Variants in MYO7B observed in about 807,000 individuals in gnomAD.
The protein encoded by MYO7B is unconventional myosin-VIIb.
Under a neutral mutation model 259.7 loss-of-function variants are expected in MYO7B, and 212 were observed. The ratio of observed to expected loss-of-function variants is 0.82; its 90% confidence interval spans 0.73 to 0.91. The LOEUF is 0.91. Ranked by LOEUF, MYO7B falls within the 40% of genes least tolerant of loss-of-function variation. The pLI, the probability that MYO7B is intolerant of heterozygous loss-of-function variation, is 0.00. For synonymous variants in MYO7B, 1,197 were observed against 1,166.4 expected, an observed-to-expected ratio of 1.03 and a Z score of -0.54; for missense variants, 2,732 against 2,813.5, an observed-to-expected ratio of 0.97 and a Z score of 0.66.
rs1679387255 is a variant in MYO7B, at chr2:127,588,451, T to C, written c.1750T>C (p.Ser584Pro). ...STDILTLVYS[S>P]KNKFLREIFN... ...AGATATCCTCACCCTGGTTTACTCC[T>C]CCAAAAACAAGTTTCTGAGGGAGAT... Residue 584 changes from serine to proline, a missense_variant, in exon 15 of 48, where the codon TCC becomes CCC. By Grantham distance (74) the Ser-to-Pro change is moderately conservative. Around this residue, in one of 3 missense-constraint regions of MYO7B, gnomAD observed 1,906 missense variants for 2,026.4 expected, o/e 0.94. Transcript: ENST00000409816. The C allele has an allele frequency of 6.2e-7, 1 of 1,613,174 alleles. No individual in the cohort carries two copies. The highest frequency in any genetic ancestry group is 8.5e-7 in the Non-Finnish European group (1 of 1,179,844).
rs1679802149 is a variant in MYO7B, at chr2:127,597,134, G to A, written c.2339+578G>A. Among the ~76,000 whole-genome samples the A allele has an allele frequency of 6.6e-6, 1 of 152,258 alleles. No homozygotes were observed. Among genetic ancestry groups the A allele is most frequent in the South Asian group, 2.1e-4 (1 of 4,830 alleles). On this transcript the variant is annotated intron_variant, in intron 19 of 47. Transcript: ENST00000409816. The surrounding 1 kb of genome is among the most constrained non-coding windows in gnomAD (Gnocchi z 4.8). ...AGCAGGGAGCTAGGGCCCACAGCTA[G>A]AGAGGCAGCTGTGCTGCTGGGAAGC...
Position 127,607,994 on chromosome 2 carries a change from A to C in MYO7B, c.2643+570A>C, listed in dbSNP as rs1455816192. ...GCTCAGGGGACAGAGAAATATTAAT[A>C]CCAAGGGGAGCTGCTGAGTGTCTGG... On this transcript the variant is annotated intron_variant, in intron 21 of 47. Transcript: ENST00000409816. This position sits in a 1 kb window ranked among gnomAD's most constrained non-coding sequence, Gnocchi z 4.4. Among the ~76,000 whole-genome samples the C allele has an allele frequency of 6.6e-6, 1 of 152,148 alleles. No individual in the cohort carries two copies. The highest frequency in any genetic ancestry group is 6.5e-5 in the Admixed American group (1 of 15,274).
chr2:127,620,755 G>T (rs542227420), intron 27 of MYO7B, among the ~76,000 whole-genome samples: 80 of 152,346 alleles, frequency 5.3e-4, no homozygotes, highest in African/African-American at 1.9e-3. Context: ...GAAGGTAGAT[G>T]ACACGGGCCT....
Position 127,628,517 on chromosome 2 carries a change from C to A in MYO7B, c.4606C>A (p.Gln1536Lys), listed in dbSNP as rs1241133006. 14 of 1,430,342 alleles carry A rather than the reference C, an allele frequency of 9.8e-6. No individual in the cohort carries two copies. The Admixed American group carries it at 2.0e-4, about 20-fold the overall frequency. The allele number at this position is 1,430,342 out of a possible 1,614,324, so 88.6% of individuals were successfully genotyped here. A position where few individuals can be genotyped will look rare whatever the true frequency, so the allele number is the denominator to read the frequency against. The stretch of plus-strand genomic sequence containing the variant: ...GAGGTCCATTTTCGCCATGGCCCTG[C>A]AGGACAGGAAGGCCACAGGTGCCAG... ...KERSIFAMAL[Q>K]DRKATDDTTL... is the part of the protein sequence containing the mutation. The change falls in exon 34 of 48, where the codon CAG becomes AAG. Residue 1536 changes from glutamine (Q) to lysine (K), a missense_variant. Around this residue, in one of 3 missense-constraint regions of MYO7B, gnomAD observed 1,906 missense variants for 2,026.4 expected, o/e 0.94. Coordinates refer to ENST00000409816, the MANE Select transcript of MYO7B (RefSeq NM_001393586.1). This position sits in a 1 kb window ranked among gnomAD's most constrained non-coding sequence, Gnocchi z 4.8.
Position 127,555,252 on chromosome 2 carries a change from A to G in MYO7B, c.-23-4448A>G, listed in dbSNP as rs138174929. Among the ~76,000 whole-genome samples, 1,203 of 152,238 alleles carry G rather than the reference A, an allele frequency of 7.9e-3. 19 individuals are homozygous for G. The highest frequency in any genetic ancestry group is 0.027 in the African/African-American group (1,130 of 41,534). On this transcript the variant is annotated intron_variant, in intron 1 of 47. Transcript: ENST00000409816. ...TTGAGCCACCGTGCCTGGCCGTCTA[A>G]CTGATCTTATTTTGATCTTCTCTCT...
chr2:127,634,150 G>T (rs1252241542), intron 40 of MYO7B, 26 bp from the exon 41 acceptor site: 3 of 1,563,822 alleles, frequency 1.9e-6, no homozygotes, highest in Non-Finnish European at 1.7e-6. Flanking sequence ...CAGGCCCCGG[G>T]CCTCACCAGC....
chr2:127,537,714 G>A (rs1338055548), intron 1 of MYO7B, among the ~76,000 whole-genome samples: 1 of 151,844 alleles, frequency 6.6e-6, no homozygotes, highest in Non-Finnish European at 1.5e-5. Context: ...GGAGGGGGAG[G>A]AGAAGGAGAA....
At position 127,628,534 on chromosome 2, in the gene MYO7B, A is replaced by T; in HGVS notation, c.4623A>T (p.Thr1541=). ...FAMALQDRKA[T]DDTTLLAFKK... Reference sequence around the variant, plus strand: ...TGGCCCTGCAGGACAGGAAGGCCACAGGTGCCAGACTGGGTGGGGTGGGGT... The same window carrying T: ...TGGCCCTGCAGGACAGGAAGGCCACTGGTGCCAGACTGGGTGGGGTGGGGT... The change falls in exon 34 of 48, where the codon ACA becomes ACT. Residue 1541 remains threonine, a splice_region_variant and synonymous_variant. Transcript: ENST00000409816. This position sits in a 1 kb window ranked among gnomAD's most constrained non-coding sequence, Gnocchi z 4.8. 2 of 1,095,626 alleles carry T rather than the reference A, an allele frequency of 1.8e-6. No individual in the cohort carries two copies. The highest frequency in any genetic ancestry group is 2.3e-6 in the Non-Finnish European group (2 of 854,850). 67.9% of individuals were successfully genotyped at this position (1,095,626 alleles called of 1,614,324 possible).
intron 1 of MYO7B, among the ~76,000 whole-genome samples, chr2:127,548,903 T>C (rs936124332): frequency 1.4e-4 from 21 of 152,232 alleles, no homozygotes; most frequent in African/African-American, 4.8e-4. Context: ...TTTCCAGTTA[T>C]CTTTCTGTTA....
At chr2:127,621,356 C>T (rs1558841889) in intron 27 of MYO7B, among the ~76,000 whole-genome samples, 1 of 151,534 alleles carries the variant, frequency 6.6e-6, no homozygotes, top group African/African-American at 2.4e-5. Flanking sequence ...CTCTGCCTCC[C>T]GGGTTCAAGC....
chr2:127,610,052 CACCTACCAGGT>C, intron 24 of MYO7B, 36 bp downstream of exon 24: 2 of 1,598,416 alleles, frequency 1.3e-6, no homozygotes, highest in South Asian at 2.2e-5. Context: ...AGGAGGGCGA[CACCTACCAGGT>C]GCCTACCAGG....
At position 127,582,405 on chromosome 2, in the gene MYO7B, C is replaced by A. The variant is rs371783022; in HGVS notation, c.1302C>A (p.Gly434=). The A allele has an allele frequency of 9.2e-5, 149 of 1,613,354 alleles. No individual in the cohort carries two copies. Among genetic ancestry groups the A allele is most frequent in the Admixed American group, 2.2e-4 (13 of 59,934 alleles). Residue 434 remains glycine, a synonymous_variant, in exon 12 of 48, where the codon GGC becomes GGA. Transcript: ENST00000409816. ...QDPKNVRRAI[G]LLDIFGFENF... is the part of the protein sequence containing the mutation. Reference sequence around the variant, plus strand: ...CCAAAAATGTGCGGAGGGCCATCGGCCTCCTGGACATATTTGGCTTTGAAA... The same window carrying A: ...CCAAAAATGTGCGGAGGGCCATCGGACTCCTGGACATATTTGGCTTTGAAA...
At chr2:127,587,410 T>G (rs916584166) in intron 14 of MYO7B, among the ~76,000 whole-genome samples, 1 of 152,160 alleles carries the variant, frequency 6.6e-6, no homozygotes, top group Non-Finnish European at 1.5e-5. Flanking sequence ...CTCAGAGTTC[T>G]AGAGGCTGGA....
chr2:127,566,495 C>A, intron 4 of MYO7B, 148 bp from the exon 5 acceptor site: 2 of 719,516 alleles, frequency 2.8e-6, no homozygotes, highest in South Asian at 2.0e-5. Flanking sequence ...GTCTGATCTC[C>A]CTGGCCCAGA....
chr2:127,609,304 C>T lies in MYO7B; in HGVS notation c.2815-202C>T, dbSNP rs1033898052. The stretch of plus-strand genomic sequence containing the variant: ...AGAGGGCAGGAGCCCTGCCCCTGCC[C>T]GGCAGGGTGTGTAGAGAGCCCTGTG... On this transcript the variant is annotated intron_variant, in intron 22 of 47. Transcript: ENST00000409816. This position sits in a 1 kb window ranked among gnomAD's most constrained non-coding sequence, Gnocchi z 6.9. 1.3e-5 allele frequency among the ~76,000 whole-genome samples: 2 copies of T among 152,090 alleles called. No homozygotes were observed. Among genetic ancestry groups the T allele is most frequent in the Admixed American group, 6.5e-5 (1 of 15,280 alleles).
At chr2:127,605,648 T>C (rs1483096830) in intron 19 of MYO7B, among the ~76,000 whole-genome samples, 196 bp from the exon 20 acceptor site, 2 of 152,116 alleles carry the variant, frequency 1.3e-5, no homozygotes, top group East Asian at 1.9e-4. Context: ...CAAATTTGGG[T>C]TGCTGATAGT....
chr2:127,589,085 G>C (rs1679435153), intron 15 of MYO7B, among the ~76,000 whole-genome samples: 1 of 149,620 alleles, frequency 6.7e-6, no homozygotes, highest in African/African-American at 2.5e-5. Flanking sequence ...ATGGGTGAAT[G>C]GGTGTGTCGA....
chr2:127,625,409 G>A lies in MYO7B; in HGVS notation c.4089G>A (p.Val1363=), dbSNP rs371223764. 1.3e-5 allele frequency: 21 copies of A among 1,607,422 alleles called. No individual in the cohort carries two copies. The highest frequency in any genetic ancestry group is 1.8e-5 in the Non-Finnish European group (21 of 1,177,836). ...AGCTGCTGGCCCGGCACTGCTACGTGCAGCTCGGCGCCTCAGCAGAGAGCA... is the reference window on the plus strand; with the variant it reads ...AGCTGCTGGCCCGGCACTGCTACGTACAGCTCGGCGCCTCAGCAGAGAGCA... The part of the protein sequence containing the change: ...LVELLARHCY[V]QLGASAESKA... Residue 1363 remains valine (V), a synonymous_variant, in exon 31 of 48, where the codon GTG becomes GTA. Coordinates refer to ENST00000409816, the MANE Select transcript of MYO7B (RefSeq NM_001393586.1).
intron 5 of MYO7B, among the ~76,000 whole-genome samples, chr2:127,567,448 T>C (rs1678400967): frequency 6.6e-6 from 1 of 152,102 alleles, no homozygotes; most frequent in Admixed American, 6.5e-5. Context: ...CTTCAGAGAC[T>C]CCCTGCCTGG....
Sources: gnomAD v4.1 joint callset for allele counts (sites outside exome capture counted in the v4.1 genomes callset) on GRCh38, gnomAD v4.1.1 for gene constraint, gnomAD v4.1.1 regional missense constraint, Gnocchi (gnomAD v3.1) non-coding constraint, MANE v1.5 for transcripts, NCBI Gene and HGNC (gene_info 2026-07-23, HGNC 2026-07-21) for gene names.